The following ZNF479 variants were observed in gnomAD, a reference collection of about 807,000 sequenced individuals.
ZNF479 encodes zinc finger protein 479.
A neutral mutation model predicts 14.7 loss-of-function variants in ZNF479; 15 were observed. The observed-to-expected ratio is 1.02, with a 90% CI of 0.68 to 1.57. ZNF479 has a LOEUF of 1.57. Ranked by LOEUF, ZNF479 falls within the 40% of genes most tolerant of loss-of-function variation. ZNF479 has a pLI of 0.00. For missense variants in ZNF479, 506 were observed against 615.1 expected (o/e 0.82, Z 1.88); for synonymous variants, 145 against 211.5 (o/e 0.69, Z 2.73).
At chr7:57,134,701 A>G (rs1271337528), upstream of ZNF479, among the ~76,000 whole-genome samples, 1 of 124,076 alleles carries the variant, frequency 8.1e-6, no homozygotes, top group Admixed American at 1.1e-4. Flanking sequence ...TTGAGACAGC[A>G]TCCTGCTCTG....
rs1554399740 is a variant in ZNF479, at chr7:57,119,863, C to T, written c.1552G>A (p.Glu518Lys). The T allele has an allele frequency of 1.9e-6, 3 of 1,613,248 alleles. No individual in the cohort carries two copies. In the Admixed American group the frequency reaches 5.0e-5, roughly 27 times the overall value. ...TATTATTCACATTTGTAGGGTTTCT[C>T]TCCAGTGTGAATTATCTTATGTTTA... ...LAKHKIIHTG[E>K]KPYKCE The change falls in exon 4 of 4, where the codon GAG (glutamate) becomes AAG (lysine). Residue 518 changes from glutamate (E) to lysine (K), a missense_variant. Physicochemically the swap from Glu to Lys is moderately conservative, Grantham distance 56. Around this residue, in one of 3 missense-constraint regions of ZNF479, gnomAD observed 72 missense variants for 97.6 expected, o/e 0.74. Coordinates refer to ENST00000319636, the MANE Select transcript of ZNF479 (RefSeq NM_001370129.2).
chr7:57,139,588 G>A lies in ZNF479; in HGVS notation c.-15+20C>T, dbSNP rs547833143. On this transcript the variant is annotated intron_variant, in intron 1 of 4. Coordinates refer to the ZNF479 transcript ENST00000331162. ...CTCTGTTGCTTGGGCCCAGTGTACA[G>A]TTGAGATTGTCACATATACCTGGGC... The A allele has an allele frequency of 2.6e-5, 4 of 152,266 alleles. No individual in the cohort carries two copies. In the South Asian group the frequency reaches 8.3e-4, roughly 32 times the overall value. 9.4% of individuals were successfully genotyped at this position (152,266 alleles called of 1,614,324 possible).
upstream of ZNF479, among the ~76,000 whole-genome samples, chr7:57,134,688 T>A (rs13234033): frequency 2.0e-5 from 2 of 102,034 alleles, no homozygotes; most frequent in Non-Finnish European, 4.4e-5. Context: ...TTTTTTTTTG[T>A]CTTTGAGACA....
chr7:57,137,293 A>T (rs1562854279), upstream of ZNF479, among the ~76,000 whole-genome samples: 1 of 152,032 alleles, frequency 6.6e-6, no homozygotes, highest in East Asian at 1.9e-4. Context: ...CCACCACTAC[A>T]CCTGGCTGCT....
chr7:57,133,018 C>T (rs1449740713), upstream of ZNF479, among the ~76,000 whole-genome samples: 1 of 152,098 alleles, frequency 6.6e-6, no homozygotes, highest in Non-Finnish European at 1.5e-5. Flanking sequence ...CCTGTAGTCC[C>T]GGCTACTCGG....
rs1218461660 is a variant in ZNF479 at position 57,117,849 on chromosome 7, A to AT, written c.*1990dup. Among the ~76,000 whole-genome samples, 1 of 152,370 alleles carries AT rather than the reference A, an allele frequency of 6.6e-6. No homozygotes were observed. The highest frequency in any genetic ancestry group is 2.1e-4 in the South Asian group (1 of 4,832). ...CATTATTATTTGCTGTTCAGAAACT[A>AT]TTTTTTTATAGAAGAAAGAAGCATA... On this transcript the variant is annotated 3_prime_UTR_variant, in exon 4 of 4. Transcript: ENST00000319636.
At chr7:57,135,634 AAC>A (rs1786613568), upstream of ZNF479, among the ~76,000 whole-genome samples, 2 of 152,054 alleles carry the variant, frequency 1.3e-5, no homozygotes, top group African/African-American at 4.8e-5. Context: ...GCTGGTCTTG[AAC>A]TCCTGACCTC....
chr7:57,132,159 C>A, intron 1 of ZNF479, 127 bp downstream of exon 1: 1 of 1,557,548 alleles, frequency 6.4e-7, no homozygotes, highest in Non-Finnish European at 8.8e-7. Context: ...CCGAGCTGGG[C>A]CAAAGAGGAT....
chr7:57,123,500 C>A (rs1383651426), intron 3 of ZNF479, among the ~76,000 whole-genome samples: 1 of 152,188 alleles, frequency 6.6e-6, no homozygotes, highest in Non-Finnish European at 1.5e-5. Context: ...TTCTTATTTG[C>A]ACCTGGTGCG....
At chr7:57,134,845 T>G (rs902528061), upstream of ZNF479, among the ~76,000 whole-genome samples, 2 of 152,100 alleles carry the variant, frequency 1.3e-5, no homozygotes, top group Admixed American at 6.5e-5. Context: ...CGGCTAATTT[T>G]TTTATTTTTA....
rs1554400095 is a variant in ZNF479, at chr7:57,120,430, C to T, written c.985G>A (p.Glu329Lys). Reference protein sequence around the residue: ...HTGEKPCRCEECGKAFSWSSN... With the variant: ...HTGEKPCRCEKCGKAFSWSSN... ...GACCAGCTAAAGGCTTTGCCACATT[C>T]CTCACACCTGCAGGGTTTCTCTCCA... The change falls in exon 4 of 4, where the codon GAA becomes AAA. Residue 329 changes from glutamate to lysine, a missense_variant. By Grantham distance (56) the Glu-to-Lys change is moderately conservative (BLOSUM62 1). Coordinates refer to ENST00000319636, the MANE Select transcript of ZNF479 (RefSeq NM_001370129.2). 1 of 1,612,878 alleles carries T rather than the reference C, an allele frequency of 6.2e-7. No individual in the cohort carries two copies. Among genetic ancestry groups the T allele is most frequent in the East Asian group, 2.2e-5 (1 of 44,754 alleles).
chr7:57,124,127 T>C (rs1364201585), intron 3 of ZNF479, among the ~76,000 whole-genome samples: 2 of 152,070 alleles, frequency 1.3e-5, no homozygotes, highest in Admixed American at 6.6e-5. Flanking sequence ...ATTCCTGAAA[T>C]ATTGTTTAAA....
intron 3 of ZNF479, among the ~76,000 whole-genome samples, chr7:57,124,542 T>C (rs1389017577): frequency 2.0e-5 from 3 of 152,206 alleles, no homozygotes; most frequent in Admixed American, 1.3e-4. Flanking sequence ...ATGACATTGG[T>C]CTTGGCACAT....
At chr7:57,138,872 T>C (rs1466085846) in intron 1 of ZNF479, among the ~76,000 whole-genome samples, 1 of 152,232 alleles carries the variant, frequency 6.6e-6, no homozygotes, top group Non-Finnish European at 1.5e-5. Context: ...TTGGATCATG[T>C]CGGTCACATG....
At chr7:57,127,126 G>T (rs560462426) in intron 1 of ZNF479, among the ~76,000 whole-genome samples, 23 of 146,738 alleles carry the variant, frequency 1.6e-4, no homozygotes, top group Non-Finnish European at 2.5e-4. Flanking sequence ...GGGTTCAATC[G>T]ATTCTCCTGC....
chr7:57,127,041 G>C (rs1470985239), intron 1 of ZNF479, among the ~76,000 whole-genome samples: 1 of 54,254 alleles, frequency 1.8e-5, no homozygotes, highest in Non-Finnish European at 3.6e-5. Context: ...TTTTTTTTTT[G>C]AGACCGAGTC....
intron 1 of ZNF479, among the ~76,000 whole-genome samples, chr7:57,131,782 TCTTCAAGTCTCTCCCATGGATCACAAC>T (rs1292619416): frequency 1.3e-5 from 2 of 152,148 alleles, no homozygotes; most frequent in African/African-American, 4.8e-5. Flanking sequence ...AACAGACTTT[TCTTCAAGTCTCTCCCATGGATCACAAC>T]CCACAAACCA....
At chr7:57,127,545 T>G (rs1786227707) in intron 1 of ZNF479, 1 of 984,812 alleles carries the variant, frequency 1.0e-6, no homozygotes, top group Non-Finnish European at 1.2e-6. Context: ...AAGAATATTT[T>G]GTCAAATATC....
upstream of ZNF479, among the ~76,000 whole-genome samples, chr7:57,135,515 C>T (rs544309121): frequency 5.3e-5 from 8 of 152,168 alleles, no homozygotes; most frequent in Admixed American, 1.3e-4. Flanking sequence ...CAGGTTCAAC[C>T]GATTCTCCTT....
Sources: allele counts gnomAD v4.1 joint callset (sites outside exome capture counted in the v4.1 genomes callset), GRCh38; gene constraint gnomAD v4.1.1; regional missense constraint gnomAD v4.1.1; transcripts MANE v1.5; gene names NCBI Gene and HGNC (gene_info 2026-07-23, HGNC 2026-07-21).